The following TEX11 variants were observed in gnomAD, a reference collection of about 807,000 sequenced individuals.
TEX11 encodes testis expressed 11.
In TEX11, 7 loss-of-function variants were observed where a neutral mutation model predicts 84.4. The ratio of observed to expected loss-of-function variants is 0.08; its 90% CI spans 0.05 to 0.16. TEX11 has a LOEUF of 0.16. TEX11 is among the 10% of genes least tolerant of loss of function. The pLI is 1.00. For missense variants in TEX11, 551 were observed against 660.5 expected, an observed-to-expected ratio of 0.83 and a Z score of 1.82; for synonymous variants, 264 against 222.8, an observed-to-expected ratio of 1.18 and a Z score of -1.64.
intron 18 of TEX11, among the ~76,000 whole-genome samples, chrX:70,625,652 T>C (rs2089442342): frequency 9.0e-6 from 1 of 111,632 alleles, no homozygotes; most frequent in Non-Finnish European, 1.9e-5. Context: ...CTACCCTTCA[T>C]TGTTGCTGTG....
chrX:70,521,374 GTTCACACGA>G, the TEX11 span, among the ~76,000 whole-genome samples: 1 of 109,904 alleles, frequency 9.1e-6, no homozygotes, highest in Non-Finnish European at 1.9e-5. Flanking sequence ...CGTATCCCAT[GTTCACACGA>G]TTCTCCTGCC....
intron 24 of TEX11, 111 bp from the exon 25 acceptor site, chrX:70,591,934 G>T: frequency 2.0e-6 from 1 of 501,483 alleles, no homozygotes. Context: ...TAAATTAATA[G>T]AAAAATGATA....
At chrX:70,736,091 G>T (rs2090693726) in intron 11 of TEX11, among the ~76,000 whole-genome samples, 1 of 111,295 alleles carries the variant, frequency 9.0e-6, no homozygotes. Context: ...TTTTCTTGAT[G>T]ATTTCCTTTG....
At chrX:70,681,680 C>T (rs942902172) in intron 14 of TEX11, among the ~76,000 whole-genome samples, 1 of 110,579 alleles carries the variant, frequency 9.0e-6, no homozygotes, top group African/African-American at 3.3e-5. Flanking sequence ...TTTTTTCCTC[C>T]CTATGGTCAG....
chrX:70,873,224 T>C lies in TEX11; in HGVS notation c.243A>G (p.Arg81=), dbSNP rs2091638459. The C allele has an allele frequency of 1.8e-6, 2 of 1,132,116 alleles. No individual in the cohort carries two copies. The highest frequency in any genetic ancestry group is 3.6e-5 in the African/African-American group (2 of 56,328). The allele number at this position is 1,132,116 out of a possible 1,213,427, so 93.3% of individuals were successfully genotyped here. A position where few individuals can be genotyped will look rare whatever the true frequency, so the allele number is the denominator to read the frequency against. The change falls in exon 4 of 30, where the codon AGA becomes AGG. Residue 81 remains arginine (R), a splice_region_variant and synonymous_variant. Coordinates refer to ENST00000374333, the MANE Select transcript of TEX11 (RefSeq NM_031276.3). Reference sequence around the variant, plus strand: ...ACATGTCACAATATGTATACATACATCTAATTTTCTGCTCTTCATTTACAA... The same window carrying C: ...ACATGTCACAATATGTATACATACACCTAATTTTCTGCTCTTCATTTACAA... ...GWLVNEEQKI[R]LHYVACKLLS...
intron 2 of TEX11, 58 bp downstream of exon 2, chrX:70,907,694 AT>A: frequency 2.1e-6 from 2 of 937,438 alleles, no homozygotes; most frequent in Non-Finnish European, 3.1e-6. Flanking sequence ...GCCCAGCAAT[AT>A]TTAGATCTTA....
intron 2 of TEX11, among the ~76,000 whole-genome samples, chrX:70,885,913 AAG>A (rs2091706802): frequency 9.1e-6 from 1 of 109,355 alleles, no homozygotes; most frequent in Non-Finnish European, 1.9e-5. Flanking sequence ...AAGAAAAAGA[AAG>A]AAAGAAAGAA....
the TEX11 span, among the ~76,000 whole-genome samples, chrX:70,521,542 G>A: frequency 1.8e-5 from 2 of 111,748 alleles, no homozygotes; most frequent in African/African-American, 6.5e-5. Context: ...CTCTCAAAGT[G>A]TTGGGATTAC....
chrX:70,574,474 G>T (rs1234412149), intron 25 of TEX11, among the ~76,000 whole-genome samples: 1 of 111,459 alleles, frequency 9.0e-6, no homozygotes, highest in African/African-American at 3.3e-5. Flanking sequence ...TCCTCTCCCA[G>T]AGTATACGCT....
the TEX11 span, among the ~76,000 whole-genome samples, chrX:70,513,573 T>C: frequency 9.4e-6 from 1 of 106,795 alleles, no homozygotes; most frequent in Non-Finnish European, 1.9e-5. Context: ...AGGATCATAG[T>C]TCACTGCAGC....
chrX:70,764,877 C>T (rs1489857465), intron 9 of TEX11, among the ~76,000 whole-genome samples: 1 of 111,255 alleles, frequency 9.0e-6, no homozygotes, highest in Admixed American at 9.6e-5. Context: ...GACTTTACTG[C>T]TGAATTCTAT....
intron 25 of TEX11, among the ~76,000 whole-genome samples, chrX:70,575,899 C>T (rs1395281229): frequency 1.8e-5 from 2 of 111,771 alleles, no homozygotes; most frequent in Non-Finnish European, 3.8e-5. Flanking sequence ...ATCATTTCTT[C>T]CTCTGTGGTC....
intron 15 of TEX11, among the ~76,000 whole-genome samples, chrX:70,671,313 T>C (rs1301935091): frequency 9.0e-6 from 1 of 111,163 alleles, no homozygotes; most frequent in Non-Finnish European, 1.9e-5. Flanking sequence ...ATCAAGAAGC[T>C]TCATATTTTT....
chrX:70,847,828 G>C (rs966642476), intron 7 of TEX11, among the ~76,000 whole-genome samples: 2 of 111,904 alleles, frequency 1.8e-5, no homozygotes, highest in Admixed American at 1.9e-4. Flanking sequence ...ACAGGTGTGA[G>C]CCACCATGCC....
chrX:70,806,432 G>T (rs947935475), intron 9 of TEX11, among the ~76,000 whole-genome samples: 1 of 107,419 alleles, frequency 9.3e-6, no homozygotes, highest in Non-Finnish European at 1.9e-5. Flanking sequence ...CTCCAGCCTA[G>T]GTGACAGAGA....
At chrX:70,623,912 C>T (rs369618087) in intron 20 of TEX11, 38 bp downstream of exon 20, 2 of 1,102,513 alleles carry the variant, frequency 1.8e-6, no homozygotes, top group African/African-American at 1.8e-5. Context: ...TATAATTTGT[C>T]TAATGGGGAA....
At chrX:70,837,919 C>T (rs1053331848) in intron 7 of TEX11, among the ~76,000 whole-genome samples, 3 of 111,676 alleles carry the variant, frequency 2.7e-5, no homozygotes, top group African/African-American at 6.5e-5. Flanking sequence ...CAAACACACA[C>T]AAGTGAGTTC....
At chrX:70,776,109 G>C (rs2091000652) in intron 9 of TEX11, among the ~76,000 whole-genome samples, 1 of 109,220 alleles carries the variant, frequency 9.2e-6, no homozygotes, top group East Asian at 2.8e-4. Context: ...CCCACTACTG[G>C]GTATTTATCT....
At chrX:70,529,702 G>A in intron 29 of TEX11, 133 bp downstream of exon 29, 2 of 640,481 alleles carry the variant, frequency 3.1e-6, no homozygotes, top group Non-Finnish European at 4.5e-6. Flanking sequence ...AAGTTATGTG[G>A]AACCATTGAG....
Sources: allele counts gnomAD v4.1 joint callset (sites outside exome capture counted in the v4.1 genomes callset), GRCh38; gene constraint gnomAD v4.1.1; transcripts MANE v1.5; gene names NCBI Gene and HGNC (gene_info 2026-07-23, HGNC 2026-07-21).